CPNE4: variants seen among roughly 807,000 people sequenced by gnomAD.
CPNE4 encodes copine-4.
A neutral mutation model predicts 67.9 loss-of-function variants in CPNE4; 25 were observed. That is an observed-to-expected ratio of 0.37 (90% confidence interval 0.27 to 0.51). The LOEUF is 0.51. CPNE4 is among the 20% of genes least tolerant of loss of function. The pLI, the probability that CPNE4 is intolerant of heterozygous loss-of-function variation, is 0.93. For missense variants in CPNE4, 464 were observed against 690.8 expected, an observed-to-expected ratio of 0.67 and a Z score of 3.68; for synonymous variants, 242 against 244.9, an observed-to-expected ratio of 0.99 and a Z score of 0.11.
intron 7 of CPNE4, among the ~76,000 whole-genome samples, chr3:131,617,480 G>T (rs1194808537): frequency 6.6e-6 from 1 of 152,116 alleles, no homozygotes; most frequent in South Asian, 2.1e-4. Flanking sequence ...CGGAGGTGAG[G>T]CCTCTTTTTT....
chr3:131,781,513 T>G (rs1008936845), intron 2 of CPNE4, among the ~76,000 whole-genome samples: 1 of 151,932 alleles, frequency 6.6e-6, no homozygotes, highest in African/African-American at 2.4e-5. Context: ...AGTAGCAGAG[T>G]GATGTATAGT....
intron 7 of CPNE4, among the ~76,000 whole-genome samples, chr3:131,630,878 T>C (rs1199754883): frequency 6.6e-6 from 1 of 152,194 alleles, no homozygotes; most frequent in Non-Finnish European, 1.5e-5. Context: ...CTTTGGGGGC[T>C]CAGCAGATAG....
chr3:131,712,843 T>G (rs967399067), intron 3 of CPNE4, among the ~76,000 whole-genome samples: 1 of 152,044 alleles, frequency 6.6e-6, no homozygotes, highest in African/African-American at 2.4e-5. Context: ...ATTGGAAGAG[T>G]ATGTGTAAAT....
chr3:131,749,133 A>G (rs536479113), intron 2 of CPNE4, among the ~76,000 whole-genome samples: 4 of 151,858 alleles, frequency 2.6e-5, no homozygotes, highest in African/African-American at 4.8e-5. Context: ...TTGATGTTGT[A>G]TTTTCATTTT....
intron 1 of CPNE4, among the ~76,000 whole-genome samples, chr3:131,970,758 G>T (rs2072479079): frequency 6.6e-6 from 1 of 152,106 alleles, no homozygotes; most frequent in African/African-American, 2.4e-5. Flanking sequence ...GAAATGGAAG[G>T]TTAAAGTTGT....
chr3:131,621,661 T>TA (rs1940472344), intron 7 of CPNE4, among the ~76,000 whole-genome samples: 2 of 152,128 alleles, frequency 1.3e-5, no homozygotes, highest in Non-Finnish European at 1.5e-5. Flanking sequence ...TTGTAGTCCA[T>TA]AAATCCTATT....
intron 5 of CPNE4, among the ~76,000 whole-genome samples, chr3:131,689,511 A>AT (rs1336450451): frequency 1.3e-5 from 2 of 152,188 alleles, no homozygotes; most frequent in East Asian, 3.9e-4. Context: ...TCCCTTCATG[A>AT]TAAAAACCCT....
At chr3:131,900,935 CAAGA>C (rs1255402021) in intron 2 of CPNE4, among the ~76,000 whole-genome samples, 1 of 151,886 alleles carries the variant, frequency 6.6e-6, no homozygotes, top group Non-Finnish European at 1.5e-5. Flanking sequence ...TTAGAGCTTC[CAAGA>C]AAGATCTCAA....
At chr3:131,850,720 G>A (rs1394078055) in intron 2 of CPNE4, among the ~76,000 whole-genome samples, 1 of 152,082 alleles carries the variant, frequency 6.6e-6, no homozygotes, top group Non-Finnish European at 1.5e-5. Context: ...AACTGATAGT[G>A]GAGGATATGC....
At chr3:131,543,804 G>A (rs910182027) in intron 14 of CPNE4, among the ~76,000 whole-genome samples, 2 of 152,206 alleles carry the variant, frequency 1.3e-5, no homozygotes, top group African/African-American at 4.8e-5. Flanking sequence ...CTCTCCCTCT[G>A]AAGGCCATGT....
chr3:131,986,867 CAAAAA>C (rs112652096), intron 1 of CPNE4, among the ~76,000 whole-genome samples: 1 of 134,674 alleles, frequency 7.4e-6, no homozygotes, highest in Admixed American at 7.4e-5. Context: ...AACAAACAAA[CAAAAA>C]AAAAAAAACA....
intron 1 of CPNE4, among the ~76,000 whole-genome samples, chr3:131,997,098 A>T (rs114381868): frequency 0.022 from 3,303 of 152,192 alleles, 48 homozygotes; most frequent in Non-Finnish European, 0.032. Context: ...TCTCCACCAT[A>T]GTTTTGATAT....
chr3:131,590,035 G>A (rs1226217347), intron 7 of CPNE4, among the ~76,000 whole-genome samples: 1 of 152,110 alleles, frequency 6.6e-6, no homozygotes, highest in Non-Finnish European at 1.5e-5. Flanking sequence ...GGAGAGACAG[G>A]CAAGGAATTT....
At chr3:131,729,666 T>A (rs1352980202) in intron 2 of CPNE4, among the ~76,000 whole-genome samples, 1 of 152,182 alleles carries the variant, frequency 6.6e-6, no homozygotes, top group East Asian at 1.9e-4. Flanking sequence ...TCCTTAACAG[T>A]TTGCTGGTTG....
At chr3:131,632,193 A>G (rs1395121858) in intron 7 of CPNE4, among the ~76,000 whole-genome samples, 1 of 151,776 alleles carries the variant, frequency 6.6e-6, no homozygotes, top group Admixed American at 6.6e-5. Flanking sequence ...TATTTTCAGT[A>G]GAGTCGGGGT....
intron 7 of CPNE4, among the ~76,000 whole-genome samples, chr3:131,646,134 A>C (rs561630452): frequency 1.3e-5 from 2 of 152,222 alleles, no homozygotes; most frequent in Non-Finnish European, 2.9e-5. Context: ...CTGTCATTTC[A>C]TACTGGTCTA....
chr3:131,696,265 A>G (rs1462631942), intron 5 of CPNE4, among the ~76,000 whole-genome samples: 1 of 152,108 alleles, frequency 6.6e-6, no homozygotes, highest in Non-Finnish European at 1.5e-5. Flanking sequence ...TGTCCCTAGA[A>G]ATGGGGTTAA....
chr3:131,569,510 T>C (rs757080258), intron 10 of CPNE4, among the ~76,000 whole-genome samples: 14 of 151,628 alleles, frequency 9.2e-5, no homozygotes, highest in Non-Finnish European at 1.8e-4. Flanking sequence ...TGGTAGCATA[T>C]GGTTGTAGTC....
In CPNE4 at chr3:131,535,149, T is replaced by C. The variant is rs766403339; in HGVS notation, c.*46A>G. On this transcript the variant is annotated 3_prime_UTR_variant, in exon 16 of 16. Coordinates refer to ENST00000429747, the MANE Select transcript of CPNE4 (RefSeq NM_130808.3). The stretch of plus-strand genomic sequence containing the variant: ...TAGTAGAAGTATTAAATATGAAATA[T>C]TAGCAGGAATAGTATTTCAGAACTC... The C allele has an allele frequency of 1.3e-6, 2 of 1,527,212 alleles. No individual in the cohort carries two copies. Among genetic ancestry groups the C allele is most frequent in the Non-Finnish European group, 1.8e-6 (2 of 1,130,630 alleles). 94.6% of individuals were successfully genotyped at this position (1,527,212 alleles called of 1,614,324 possible).
Sources: allele counts gnomAD v4.1 joint callset (sites outside exome capture counted in the v4.1 genomes callset), GRCh38; gene constraint gnomAD v4.1.1; transcripts MANE v1.5; gene names NCBI Gene and HGNC (gene_info 2026-07-23, HGNC 2026-07-21).